The following CPE variants were observed in gnomAD, a reference collection of about 807,000 sequenced individuals.
The protein encoded by CPE is carboxypeptidase E.
CPE carries 17 observed loss-of-function variants against 53.5 expected under a neutral mutation model. That is an observed-to-expected ratio of 0.32 (90% confidence interval 0.22 to 0.48). The LOEUF is 0.48. CPE is among the 20% of genes least tolerant of loss of function. CPE has a pLI of 0.99. For missense variants in CPE, 524 were observed against 614.7 expected (o/e 0.85, Z 1.56); for synonymous variants, 226 against 228.8 (o/e 0.99, Z 0.11).
At chr4:165,493,358 A>T in intron 7 of CPE, 88 bp downstream of exon 7, 1 of 932,596 alleles carries the variant, frequency 1.1e-6, no homozygotes. Context: ...TGTTCTTCTA[A>T]GCAAAACAAA....
chr4:165,490,221 G>T (rs372452264), intron 6 of CPE, among the ~76,000 whole-genome samples: 3 of 152,340 alleles, frequency 2.0e-5, no homozygotes, highest in Admixed American at 6.5e-5. Context: ...AGAGATGTTT[G>T]CAGGGACTAG....
chr4:165,481,872 C>T (rs755057501), intron 3 of CPE, among the ~76,000 whole-genome samples: 2 of 152,198 alleles, frequency 1.3e-5, no homozygotes, highest in African/African-American at 2.4e-5. Flanking sequence ...CTTTTCTCCT[C>T]ATATTATCCT....
intron 1 of CPE, among the ~76,000 whole-genome samples, chr4:165,461,184 AAAAGAAAG>A (rs796620232): frequency 1.3e-4 from 14 of 106,776 alleles, no homozygotes; most frequent in African/African-American, 6.1e-4. Flanking sequence ...AAAAAAAAAA[AAAAGAAAG>A]AAAGAAAAGA....
At chr4:165,402,020 T>A (rs1041189656) in intron 1 of CPE, among the ~76,000 whole-genome samples, 1 of 152,210 alleles carries the variant, frequency 6.6e-6, no homozygotes, top group African/African-American at 2.4e-5. Context: ...GGAAAGGTGA[T>A]AAATGGACAG....
chr4:165,386,591 A>G (rs1251114962), intron 1 of CPE, among the ~76,000 whole-genome samples: 1 of 152,210 alleles, frequency 6.6e-6, no homozygotes, highest in Non-Finnish European at 1.5e-5. Context: ...GGAGAAATAT[A>G]CCAATGTGAA....
At chr4:165,464,358 A>G in intron 1 of CPE, 32 bp from the exon 2 acceptor site, 1 of 1,521,374 alleles carries the variant, frequency 6.6e-7, no homozygotes, top group Non-Finnish European at 8.9e-7. Flanking sequence ...ATGTCATAGA[A>G]AACATCTCCA....
chr4:165,389,680 A>C (rs1730649368), intron 1 of CPE, among the ~76,000 whole-genome samples: 1 of 152,234 alleles, frequency 6.6e-6, no homozygotes, highest in Admixed American at 6.5e-5. Flanking sequence ...CTTAACGGCC[A>C]TTTATAAATT....
At chr4:165,461,214 A>G (rs1731998499) in intron 1 of CPE, among the ~76,000 whole-genome samples, 1 of 150,712 alleles carries the variant, frequency 6.6e-6, no homozygotes, top group Non-Finnish European at 1.5e-5. Context: ...AAGAAAAATA[A>G]CAAAGGAACT....
At chr4:165,411,031 A>G (rs1448297753) in intron 1 of CPE, among the ~76,000 whole-genome samples, 2 of 152,208 alleles carry the variant, frequency 1.3e-5, no homozygotes, top group African/African-American at 4.8e-5. Flanking sequence ...AGTCTTTCCA[A>G]TGCTAAAGGA....
At chr4:165,428,280 G>A (rs72703647) in intron 1 of CPE, among the ~76,000 whole-genome samples, 44,946 of 151,904 alleles carry the variant, frequency 0.3, 6,741 homozygotes, top group Middle Eastern at 0.39. Flanking sequence ...TCAAACTCCT[G>A]GGCTCAAGCA....
intron 1 of CPE, among the ~76,000 whole-genome samples, chr4:165,462,022 C>A (rs1732016811): frequency 6.6e-6 from 1 of 152,162 alleles, no homozygotes; most frequent in Non-Finnish European, 1.5e-5. Context: ...CAACCTAAAG[C>A]ATTGTTATTG....
chr4:165,489,828 A>G (rs1235999312), intron 6 of CPE, among the ~76,000 whole-genome samples: 1 of 152,246 alleles, frequency 6.6e-6, no homozygotes, highest in African/African-American at 2.4e-5. Flanking sequence ...TAAGCTAAAA[A>G]GAAGAAGGTT....
intron 1 of CPE, among the ~76,000 whole-genome samples, chr4:165,383,323 G>A (rs1169530872): frequency 6.6e-6 from 1 of 151,968 alleles, no homozygotes; most frequent in Non-Finnish European, 1.5e-5. Flanking sequence ...AAGGACTCAC[G>A]TATTCAAACC....
At chr4:165,443,722 G>A (rs546439589) in intron 1 of CPE, among the ~76,000 whole-genome samples, 2 of 152,300 alleles carry the variant, frequency 1.3e-5, no homozygotes, top group South Asian at 4.1e-4. Flanking sequence ...TTCAAATACA[G>A]TCACATGCTG....
intron 1 of CPE, chr4:165,386,378 A>G (rs1730593730): frequency 4.7e-6 from 2 of 421,774 alleles, no homozygotes; most frequent in East Asian, 8.4e-5. Context: ...CTTGGGACAT[A>G]GTGGCCACTC....
intron 3 of CPE, among the ~76,000 whole-genome samples, chr4:165,470,252 G>A (rs929863226): frequency 2.0e-5 from 3 of 152,164 alleles, no homozygotes; most frequent in African/African-American, 7.2e-5. Flanking sequence ...TTTGACTTGG[G>A]GTTTTCTATG....
At chr4:165,450,179 T>C (rs1035626613) in intron 1 of CPE, among the ~76,000 whole-genome samples, 1 of 152,210 alleles carries the variant, frequency 6.6e-6, no homozygotes, top group Admixed American at 6.5e-5. Flanking sequence ...GTAGAATATT[T>C]AAATAAACAT....
At chr4:165,457,204 C>G (rs1430429087) in intron 1 of CPE, among the ~76,000 whole-genome samples, 1 of 152,086 alleles carries the variant, frequency 6.6e-6, no homozygotes, top group East Asian at 1.9e-4. Context: ...CATATGAGAG[C>G]CTATTTTCAT....
At chr4:165,445,746 T>C (rs905452347) in intron 1 of CPE, among the ~76,000 whole-genome samples, 1 of 152,154 alleles carries the variant, frequency 6.6e-6, no homozygotes, top group African/African-American at 2.4e-5. Context: ...CAGAATTTTA[T>C]TTTTTTAAGC....
Sources: gnomAD v4.1 joint callset for allele counts (sites outside exome capture counted in the v4.1 genomes callset) on GRCh38, gnomAD v4.1.1 for gene constraint, MANE v1.5 for transcripts, NCBI Gene and HGNC (gene_info 2026-07-23, HGNC 2026-07-21) for gene names.